The following DIP2C variants were observed in gnomAD, a reference collection of about 807,000 sequenced individuals.
DIP2C encodes the protein disco-interacting protein 2 homolog C.
A neutral mutation model predicts 192.4 loss-of-function variants in DIP2C; 33 were observed. That is an observed-to-expected ratio of 0.17 (90% CI 0.13 to 0.23). DIP2C has a LOEUF of 0.23. Among genes scored for constraint, DIP2C ranks in the 10% least tolerant of loss-of-function variants. DIP2C has a pLI of 1.00. For synonymous variants in DIP2C, 979 were observed against 864.1 expected (o/e 1.13, Z -2.33); for missense variants, 1,537 against 2,110.1 (o/e 0.73, Z 5.32).
chr10:602,456 A>G (rs1251449371), intron 1 of DIP2C, among the ~76,000 whole-genome samples: 4 of 152,224 alleles, frequency 2.6e-5, no homozygotes, highest in Non-Finnish European at 5.9e-5. Context: ...GGATACGTTA[A>G]AAGGTGTGGC....
chr10:384,244 A>C, intron 15 of DIP2C, 98 bp from the exon 16 acceptor site: 1 of 1,442,734 alleles, frequency 6.9e-7, no homozygotes, highest in Non-Finnish European at 9.3e-7. Context: ...AGGGTGAAGA[A>C]TCACTGGTCA....
chr10:573,428 G>A (rs1049390800), intron 1 of DIP2C, among the ~76,000 whole-genome samples: 9 of 152,150 alleles, frequency 5.9e-5, no homozygotes, highest in South Asian at 4.1e-4. Context: ...GCTGTTTTTC[G>A]GACAGGGTCG....
chr10:679,138 TCC>T (rs1446377827), intron 1 of DIP2C, among the ~76,000 whole-genome samples: 12 of 22,230 alleles, frequency 5.4e-4, no homozygotes, highest in African/African-American at 1.3e-3. Context: ...GCACCCATCC[TCC>T]CTGCGCCCAT....
At chr10:321,598 C>T (rs1564551548) in intron 31 of DIP2C, among the ~76,000 whole-genome samples, 2 of 144,196 alleles carry the variant, frequency 1.4e-5, no homozygotes, top group African/African-American at 5.3e-5. Flanking sequence ...CAGCGAGAGA[C>T]CGGCGCTGTT....
intron 1 of DIP2C, among the ~76,000 whole-genome samples, chr10:580,580 G>A (rs1008841508): frequency 3.3e-5 from 5 of 152,138 alleles, no homozygotes; most frequent in Admixed American, 1.3e-4. Flanking sequence ...CACATGTAGT[G>A]TACATACCTA....
chr10:447,585 TCA>T (rs1157711031), intron 3 of DIP2C, among the ~76,000 whole-genome samples: 6 of 133,958 alleles, frequency 4.5e-5, no homozygotes, highest in African/African-American at 1.5e-4. Context: ...ATAATCAGGA[TCA>T]CACACAGTGG....
chr10:483,253 C>A (rs1276916486), intron 2 of DIP2C, among the ~76,000 whole-genome samples: 3 of 152,240 alleles, frequency 2.0e-5, no homozygotes, highest in Non-Finnish European at 2.9e-5. Context: ...AATCAGAACA[C>A]AAACCCCTTA....
In DIP2C at chr10:383,672, C is replaced by G. The variant is rs147716678; in HGVS notation, c.1876+355G>C. 1.8e-3 allele frequency among the ~76,000 whole-genome samples: 277 copies of G among 152,274 alleles called. 2 individuals carry two copies. The highest frequency in any genetic ancestry group is 6.4e-3 in the African/African-American group (268 of 41,566). ...TACCTGCTTAGGGCTTACTTCACTT[C>G]ATCCTCATGAAAATTTATGACTTAA... On this transcript the variant is annotated intron_variant, in intron 16 of 36. Coordinates refer to ENST00000280886, the MANE Select transcript of DIP2C (RefSeq NM_014974.3).
chr10:372,209 G>A (rs903299597), intron 17 of DIP2C, among the ~76,000 whole-genome samples: 8 of 151,808 alleles, frequency 5.3e-5, no homozygotes, highest in Non-Finnish European at 1.2e-4. Context: ...CTGAATAGCT[G>A]GGACTACAGG....
intron 26 of DIP2C, among the ~76,000 whole-genome samples, chr10:347,666 T>G (rs1188843073): frequency 3.1e-5 from 2 of 64,664 alleles, no homozygotes; most frequent in East Asian, 4.3e-4. Flanking sequence ...AACCCCACAC[T>G]CACCCAGACA....
intron 17 of DIP2C, among the ~76,000 whole-genome samples, chr10:375,233 G>A (rs1184527844): frequency 6.6e-6 from 1 of 152,134 alleles, no homozygotes; most frequent in Non-Finnish European, 1.5e-5. Flanking sequence ...GAGTTCACGT[G>A]GGATCTAGTT....
chr10:590,414 C>T (rs138402816), intron 1 of DIP2C, among the ~76,000 whole-genome samples: 15 of 152,350 alleles, frequency 9.8e-5, no homozygotes, highest in Admixed American at 7.8e-4. Context: ...CATCTTCTCC[C>T]AGAGGTGACC....
chr10:296,069 T>C (rs948603318), intron 32 of DIP2C, among the ~76,000 whole-genome samples: 4 of 152,212 alleles, frequency 2.6e-5, no homozygotes, highest in Admixed American at 2.6e-4. Flanking sequence ...ATTCTGTAGG[T>C]TGCCTGTTTG....
intron 1 of DIP2C, among the ~76,000 whole-genome samples, chr10:656,298 C>T (rs1390155099): frequency 7.8e-6 from 1 of 128,706 alleles, no homozygotes; most frequent in East Asian, 2.3e-4. Flanking sequence ...CTATATGTTA[C>T]ACTGTTTCTT....
chr10:386,563 T>TC (rs773597965), intron 14 of DIP2C, among the ~76,000 whole-genome samples: 1 of 151,918 alleles, frequency 6.6e-6, no homozygotes, highest in Non-Finnish European at 1.5e-5. Context: ...CTCCATCTTA[T>TC]CCCCCAACAG....
chr10:687,549 C>T (rs889027968), intron 1 of DIP2C, among the ~76,000 whole-genome samples: 3 of 152,226 alleles, frequency 2.0e-5, no homozygotes, highest in Admixed American at 6.5e-5. Context: ...TGCATGCAAA[C>T]ACACACACCC....
chr10:336,921 T>TGTGTGTGTGTGG (rs59758615), intron 29 of DIP2C, among the ~76,000 whole-genome samples: 1 of 50,014 alleles, frequency 2.0e-5, no homozygotes, highest in Non-Finnish European at 5.9e-5. Flanking sequence ...TGTGTGTGTG[T>TGTGTGTGTGTGG]TGTGGAGGCC....
In DIP2C at chr10:276,103, AATG is replaced by A. The variant is rs1257133219; in HGVS notation, c.*1219_*1221del. On this transcript the variant is annotated 3_prime_UTR_variant, in exon 37 of 37. Transcript: ENST00000280886. ...ACCAAAAAAAGATGACATTAACAAA[AATG>A]ATGAAAAACATTGTGCAATGAATTC... The A allele has an allele frequency of 6.0e-4, 92 of 152,812 alleles. No homozygotes were observed. The highest frequency in any genetic ancestry group is 2.1e-3 in the African/African-American group (88 of 41,592). The allele number at this position is 152,812 out of a possible 1,614,324, so 9.5% of individuals were successfully genotyped here.
At chr10:566,599 G>A (rs1849480704) in intron 1 of DIP2C, among the ~76,000 whole-genome samples, 1 of 152,250 alleles carries the variant, frequency 6.6e-6, no homozygotes, top group African/African-American at 2.4e-5. Flanking sequence ...CTCTCCAGAG[G>A]CGAGGGCCCA....
Sources: allele counts gnomAD v4.1 joint callset (sites outside exome capture counted in the v4.1 genomes callset), GRCh38; gene constraint gnomAD v4.1.1; transcripts MANE v1.5; gene names NCBI Gene and HGNC (gene_info 2026-07-23, HGNC 2026-07-21).